Variants in GALNT13 observed in about 807,000 individuals in gnomAD.
GALNT13 encodes the protein UDP-GalNAc:polypeptide N-acetylgalactosaminyltransferase 13.
In GALNT13, 28 loss-of-function variants were observed where a neutral mutation model predicts 64.2. The observed-to-expected ratio is 0.44, with a 90% CI of 0.32 to 0.60. The LOEUF is 0.60. GALNT13 is among the 20% of genes least tolerant of loss of function. GALNT13 has a pLI of 0.05. For synonymous variants in GALNT13, 214 were observed against 224.6 expected (o/e 0.95, Z 0.42); for missense variants, 577 against 669.8 (o/e 0.86, Z 1.53).
At chr2:153,631,370 T>C in the GALNT13 span, among the ~76,000 whole-genome samples, 9 of 152,144 alleles carry the variant, frequency 5.9e-5, no homozygotes, top group Non-Finnish European at 2.9e-5. Context: ...GTTCTAGATC[T>C]GTGAGGAATC....
At chr2:153,428,150 A>G in the GALNT13 span, among the ~76,000 whole-genome samples, 144 of 152,278 alleles carry the variant, frequency 9.5e-4, 4 homozygotes, top group South Asian at 0.029. Flanking sequence ...AGGTTGCTGT[A>G]TTTCTAGGAT....
chr2:153,321,972 T>TTGTGTGTGTGTGTGTG, the GALNT13 span, among the ~76,000 whole-genome samples: 1,080 of 149,292 alleles, frequency 7.2e-3, 8 homozygotes, highest in East Asian at 0.039. Flanking sequence ...GTGTGTAAAG[T>TTGTGTGTGTGTGTGTG]TGTGTGTGTG....
the GALNT13 span, among the ~76,000 whole-genome samples, chr2:153,158,418 T>G: frequency 6.6e-6 from 1 of 152,192 alleles, no homozygotes; most frequent in East Asian, 1.9e-4. Flanking sequence ...CCAGGATAAA[T>G]ATTTTGTCAT....
chr2:153,399,711 T>C, the GALNT13 span, among the ~76,000 whole-genome samples: 2 of 152,100 alleles, frequency 1.3e-5, no homozygotes, highest in Non-Finnish European at 1.5e-5. Flanking sequence ...TCACTCATGA[T>C]TTGGCTCTCT....
chr2:153,118,953 G>A, the GALNT13 span, among the ~76,000 whole-genome samples: 1 of 152,116 alleles, frequency 6.6e-6, no homozygotes, highest in Admixed American at 6.5e-5. Context: ...GGAGGCAATT[G>A]AATCATGGGA....
At position 153,915,416 on chromosome 2, in the gene GALNT13, A is replaced by G. The variant is rs138257693; in HGVS notation, c.-105+14409A>G. 2.1e-3 allele frequency among the ~76,000 whole-genome samples: 314 copies of G among 152,208 alleles called. 2 individuals carry two copies. Among genetic ancestry groups the G allele is most frequent in the African/African-American group, 6.8e-3 (281 of 41,546 alleles). On this transcript the variant is annotated intron_variant, in intron 2 of 12. Transcript: ENST00000392825. ...ATATAGGGGATTCCTGGGTGTCTACACTGTTCTGTTGGCCAATTCTGATCC... is the reference window on the plus strand; with the variant it reads ...ATATAGGGGATTCCTGGGTGTCTACGCTGTTCTGTTGGCCAATTCTGATCC...
the GALNT13 span, among the ~76,000 whole-genome samples, chr2:153,306,192 A>G: frequency 6.6e-6 from 1 of 152,296 alleles, no homozygotes; most frequent in South Asian, 2.1e-4. Context: ...CCCAGCAAAC[A>G]CTGCTGGGTC....
chr2:153,739,199 T>C, the GALNT13 span, among the ~76,000 whole-genome samples: 2,332 of 152,076 alleles, frequency 0.015, 78 homozygotes, highest in African/African-American at 0.054. Flanking sequence ...TGCAACATTT[T>C]GGCAAATGGA....
chr2:153,536,353 T>A, the GALNT13 span, among the ~76,000 whole-genome samples: 3 of 152,230 alleles, frequency 2.0e-5, no homozygotes, highest in Non-Finnish European at 4.4e-5. Context: ...ACTGCTTCAA[T>A]GTGTTGTAAT....
intron 9 of GALNT13, among the ~76,000 whole-genome samples, chr2:154,321,720 T>C (rs1305016287): frequency 6.6e-6 from 1 of 152,080 alleles, no homozygotes; most frequent in Non-Finnish European, 1.5e-5. Flanking sequence ...GTAAATAATA[T>C]ATTAAAAATA....
chr2:153,798,808 A>G, the GALNT13 span, among the ~76,000 whole-genome samples: 3 of 152,148 alleles, frequency 2.0e-5, no homozygotes, highest in African/African-American at 7.2e-5. Context: ...TGGTTAATTA[A>G]TCGTTATTTA....
chr2:153,658,188 A>G, the GALNT13 span, among the ~76,000 whole-genome samples: 1 of 151,980 alleles, frequency 6.6e-6, no homozygotes, highest in Non-Finnish European at 1.5e-5. Flanking sequence ...CATTCATTCT[A>G]CCTTCTGGCC....
intron 3 of GALNT13, among the ~76,000 whole-genome samples, chr2:154,109,103 A>G (rs1702788211): frequency 6.6e-6 from 1 of 152,136 alleles, no homozygotes. Flanking sequence ...TAGAGATCGC[A>G]TTAAGTGTTT....
chr2:153,106,351 C>A, the GALNT13 span, among the ~76,000 whole-genome samples: 1 of 152,026 alleles, frequency 6.6e-6, no homozygotes, highest in South Asian at 2.1e-4. Flanking sequence ...CTGAACTTAA[C>A]CCGTCTGAAC....
At chr2:153,544,978 AAAG>A in the GALNT13 span, among the ~76,000 whole-genome samples, 1 of 152,222 alleles carries the variant, frequency 6.6e-6, no homozygotes, top group African/African-American at 2.4e-5. Flanking sequence ...GTAGAAATGA[AAAG>A]AGGTCTTGGA....
the GALNT13 span, among the ~76,000 whole-genome samples, chr2:153,666,374 C>T: frequency 1.8e-4 from 28 of 152,014 alleles, no homozygotes; most frequent in Admixed American, 1.8e-3. Flanking sequence ...ACTGTGCCAC[C>T]GTCCTGCTGC....
chr2:153,452,859 C>T, the GALNT13 span, among the ~76,000 whole-genome samples: 4 of 152,096 alleles, frequency 2.6e-5, no homozygotes, highest in African/African-American at 9.7e-5. Flanking sequence ...GCATTACATA[C>T]CTGACCTCAA....
rs117076502 is a variant in GALNT13, at chr2:154,167,667, C to A, written c.311+27162C>A. ...GCAATGGTCAGTGTGAGTAGAGAGA[C>A]ACAACTTAATGTAGGGAGAGAAAGG... On this transcript the variant is annotated intron_variant, in intron 4 of 12. Transcript: ENST00000392825. Among the ~76,000 whole-genome samples the A allele has an allele frequency of 2.7e-4, 41 of 152,230 alleles. No homozygotes were observed. In the East Asian group the frequency reaches 7.4e-3, roughly 27 times the overall value.
chr2:154,417,629 G>GC (rs1171123841), intron 11 of GALNT13, among the ~76,000 whole-genome samples: 9 of 150,874 alleles, frequency 6.0e-5, no homozygotes, highest in African/African-American at 9.8e-5. Context: ...TCCTACCTCA[G>GC]CCCCCCCGAG....
Sources: gnomAD v4.1 joint callset for allele counts (sites outside exome capture counted in the v4.1 genomes callset) on GRCh38, gnomAD v4.1.1 for gene constraint, MANE v1.5 for transcripts, NCBI Gene and HGNC (gene_info 2026-07-23, HGNC 2026-07-21) for gene names.